The following CTNNA3 variants were observed in gnomAD, a reference collection of about 807,000 sequenced individuals.
CTNNA3 encodes catenin alpha-3.
Under a neutral mutation model 95.7 loss-of-function variants are expected in CTNNA3, and 76 were observed. That is an observed-to-expected ratio of 0.79 (90% CI 0.66 to 0.96). The LOEUF (loss-of-function observed/expected upper bound fraction) is 0.96, where lower values mean the gene tolerates loss of function less well. Ranked by LOEUF, CTNNA3 falls within the 40% of genes least tolerant of loss-of-function variation. The probability of loss-of-function intolerance (pLI) is 0.00; values close to 1 mark genes in which losing one functional copy is unlikely to be tolerated. For missense variants in CTNNA3, 1,191 were observed against 1,089.8 expected (o/e 1.09, Z -1.31); for synonymous variants, 431 against 374.4 (o/e 1.15, Z -1.74).
intron 5 of CTNNA3, among the ~76,000 whole-genome samples, chr10:67,230,821 C>A (rs945648352): frequency 1.3e-5 from 2 of 152,254 alleles, no homozygotes; most frequent in South Asian, 2.1e-4. Context: ...GTGCACACAC[C>A]GTGCGCGAGC....
chr10:67,393,067 A>T (rs907807635), intron 5 of CTNNA3, among the ~76,000 whole-genome samples: 5 of 121,604 alleles, frequency 4.1e-5, no homozygotes, highest in Non-Finnish European at 8.0e-5. Context: ...AATAAAAAAA[A>T]AATAAATAAA....
chr10:66,356,150 T>C (rs2092608463), intron 12 of CTNNA3, among the ~76,000 whole-genome samples: 2 of 148,692 alleles, frequency 1.3e-5, no homozygotes, highest in South Asian at 4.3e-4. Flanking sequence ...TTGGCTATTC[T>C]GGTTCCTTTG....
intron 3 of CTNNA3, among the ~76,000 whole-genome samples, chr10:67,577,374 GTTGT>G (rs371241503): frequency 0.099 from 15,049 of 152,002 alleles, 1,455 homozygotes; most frequent in African/African-American, 0.26. Flanking sequence ...TTTTGATGGG[GTTGT>G]TTGTTTTTTT....
At chr10:66,937,151 G>C (rs1264524847) in intron 7 of CTNNA3, among the ~76,000 whole-genome samples, 4 of 151,888 alleles carry the variant, frequency 2.6e-5, no homozygotes, top group Non-Finnish European at 5.9e-5. Flanking sequence ...TTCATGGAGA[G>C]ACAACTTTGT....
In CTNNA3 at chr10:66,548,732, T is replaced by G. The variant is rs115517334; in HGVS notation, c.1375-27959A>C. Among the ~76,000 whole-genome samples, 935 of 152,192 alleles carry G rather than the reference T, an allele frequency of 6.1e-3. 9 individuals carry two copies. Among genetic ancestry groups the G allele is most frequent in the African/African-American group, 0.021 (872 of 41,548 alleles). ...TCAATTAAAAATCAATTACAACAAT[T>G]GATTTTTGAGTCTTACAGCAACTTT... On this transcript the variant is annotated intron_variant, in intron 10 of 17. Transcript: ENST00000433211.
chr10:67,643,783 G>A lies in CTNNA3; in HGVS notation c.99+3632C>T, dbSNP rs556287280. Among the ~76,000 whole-genome samples, 13 of 152,036 alleles carry A rather than the reference G, an allele frequency of 8.6e-5. 1 individual carries two copies. In the South Asian group the frequency reaches 1.2e-3, roughly 15 times the overall value. On this transcript the variant is annotated intron_variant, in intron 2 of 17. Transcript: ENST00000433211. ...CCACTTATGAGTGAGAATATGTGGC[G>A]CTTGGTTTTCTCTTCTTGTGTTAGT... is the stretch of plus-strand genomic sequence containing the variant.
intron 13 of CTNNA3, among the ~76,000 whole-genome samples, chr10:66,243,312 C>T (rs1292601088): frequency 6.6e-6 from 1 of 152,180 alleles, no homozygotes; most frequent in Non-Finnish European, 1.5e-5. Context: ...AATTCTCTTC[C>T]CTTTCCAGGT....
intron 7 of CTNNA3, chr10:66,837,372 T>C (rs11591563): frequency 6.6e-6 from 1 of 152,024 alleles, no homozygotes; most frequent in East Asian, 1.9e-4. Flanking sequence ...AACATGTCCA[T>C]GTATCGTTTA....
intron 5 of CTNNA3, among the ~76,000 whole-genome samples, chr10:67,306,742 C>T (rs1365927599): frequency 6.6e-6 from 1 of 152,028 alleles, no homozygotes; most frequent in African/African-American, 2.4e-5. Flanking sequence ...TTCTTGATAG[C>T]TTTGGCTCTG....
At chr10:66,821,669 G>GA (rs1351112829) in intron 7 of CTNNA3, among the ~76,000 whole-genome samples, 3 of 152,152 alleles carry the variant, frequency 2.0e-5, no homozygotes, top group Non-Finnish European at 4.4e-5. Context: ...CTAGAGACAG[G>GA]AATGACACCA....
chr10:66,301,927 T>A (rs1453657256), intron 12 of CTNNA3, among the ~76,000 whole-genome samples: 1 of 152,018 alleles, frequency 6.6e-6, no homozygotes, highest in Admixed American at 6.6e-5. Flanking sequence ...ATTGTCTATA[T>A]AGAAAATAGC....
intron 11 of CTNNA3, among the ~76,000 whole-genome samples, chr10:66,502,282 A>T (rs921936198): frequency 6.6e-6 from 1 of 152,182 alleles, no homozygotes; most frequent in Non-Finnish European, 1.5e-5. Context: ...TTGGTCTGGC[A>T]TGATCTCTCT....
At position 67,437,296 on chromosome 10, in the gene CTNNA3, T is replaced by C. The variant is rs140914269; in HGVS notation, c.579+84546A>G. ...TAAGGACCCAAAGGCATAAGAATGA[T>C]ACAATGGACTTTGGGGACCTGAGAG... is the stretch of plus-strand genomic sequence containing the variant. On this transcript the variant is annotated intron_variant, in intron 5 of 17. Transcript: ENST00000433211. Among the ~76,000 whole-genome samples the C allele has an allele frequency of 6.8e-3, 1,041 of 152,192 alleles. 10 individuals are homozygous for C. Among genetic ancestry groups the C allele is most frequent in the African/African-American group, 0.024 (988 of 41,532 alleles).
chr10:66,926,024 T>C, intron 7 of CTNNA3: 1 of 456,876 alleles, frequency 2.2e-6, no homozygotes, highest in Non-Finnish European at 4.4e-6. Context: ...CTGCATTCAC[T>C]GAAACCAAAG....
At chr10:66,854,503 G>A (rs1589336757) in intron 7 of CTNNA3, among the ~76,000 whole-genome samples, 1 of 151,854 alleles carries the variant, frequency 6.6e-6, no homozygotes, top group East Asian at 1.9e-4. Context: ...GGTAAAAAAT[G>A]CTGAGTGCAC....
intron 9 of CTNNA3, among the ~76,000 whole-genome samples, chr10:66,728,255 T>C (rs1256165268): frequency 6.6e-6 from 1 of 152,200 alleles, no homozygotes; most frequent in Non-Finnish European, 1.5e-5. Context: ...AGAAATAATG[T>C]GTGACACTGA....
chr10:67,591,063 T>C lies in CTNNA3; in HGVS notation c.292+15794A>G, dbSNP rs546683405. Among the ~76,000 whole-genome samples, 5 of 152,238 alleles carry C rather than the reference T, an allele frequency of 3.3e-5. No individual in the cohort carries two copies. In the East Asian group the frequency reaches 7.7e-4, roughly 23 times the overall value. ...GATCCTAAGTCTACCTGGAGTTGACTTTTTGTCTATAGTTATGAGAAGCCA... is the reference window on the plus strand; with the variant it reads ...GATCCTAAGTCTACCTGGAGTTGACCTTTTGTCTATAGTTATGAGAAGCCA... On this transcript the variant is annotated intron_variant, in intron 3 of 17. Transcript: ENST00000433211.
intron 11 of CTNNA3, among the ~76,000 whole-genome samples, chr10:66,485,502 A>G (rs1839694342): frequency 6.6e-6 from 1 of 152,154 alleles, no homozygotes; most frequent in East Asian, 1.9e-4. Context: ...ACAGCATCCT[A>G]AAGAGGAACA....
chr10:67,282,990 A>G (rs1272689460), intron 5 of CTNNA3, among the ~76,000 whole-genome samples: 1 of 152,190 alleles, frequency 6.6e-6, no homozygotes, highest in East Asian at 1.9e-4. Flanking sequence ...CAGGCCATAA[A>G]GAAATTATCT....
Sources: allele counts gnomAD v4.1 joint callset (sites outside exome capture counted in the v4.1 genomes callset), GRCh38; gene constraint gnomAD v4.1.1; transcripts MANE v1.5; gene names NCBI Gene and HGNC (gene_info 2026-07-23, HGNC 2026-07-21).